The following GOLPH3 variants were observed in gnomAD, a reference collection of about 807,000 sequenced individuals.
GOLPH3 encodes golgi phosphoprotein 3.
A neutral mutation model predicts 28.5 loss-of-function variants in GOLPH3; 14 were observed. That is an observed-to-expected ratio of 0.49 (90% CI 0.32 to 0.77). The LOEUF is 0.77. GOLPH3 is among the 30% of genes least tolerant of loss of function. The pLI is 0.03. For synonymous variants in GOLPH3, 158 were observed against 159.2 expected (o/e 0.99, Z 0.06); for missense variants, 350 against 393.7 (o/e 0.89, Z 0.94).
intron 1 of GOLPH3, among the ~76,000 whole-genome samples, chr5:32,170,636 G>A (rs994405239): frequency 6.6e-6 from 1 of 152,050 alleles, no homozygotes; most frequent in Admixed American, 6.6e-5. Context: ...AGTTGACAGG[G>A]CTGGTTATTA....
chr5:32,142,365 C>T (rs564463997), intron 2 of GOLPH3, among the ~76,000 whole-genome samples: 2 of 148,784 alleles, frequency 1.3e-5, no homozygotes, highest in African/African-American at 5.1e-5. Flanking sequence ...CCCCTCCGCC[C>T]GGCAGCCGCC....
chr5:32,173,893 CCTGCTCGTCGCGGCGGCT>C lies in GOLPH3; in HGVS notation c.124_141del (p.Ser42_Gln47del). The stretch of plus-strand genomic sequence containing the variant: ...TTGGAGTCGCCCTTGTCGTCGTCGT[CCTGCTCGTCGCGGCGGCT>C]CTGCGCGTCGTCCTCGCTGCTGCCG... On this transcript the variant is annotated inframe_deletion, in exon 1 of 4. Coordinates refer to ENST00000265070, the MANE Select transcript of GOLPH3 (RefSeq NM_022130.4). The C allele has an allele frequency of 6.6e-7, 1 of 1,521,818 alleles. No individual in the cohort carries two copies. Among genetic ancestry groups the C allele is most frequent in the Non-Finnish European group, 8.8e-7 (1 of 1,137,946 alleles). The allele number at this position is 1,521,818 out of a possible 1,614,324, so 94.3% of individuals were successfully genotyped here. A position where few individuals can be genotyped will look rare whatever the true frequency, so the allele number is the denominator to read the frequency against.
At chr5:32,165,339 T>C (rs927499129) in intron 1 of GOLPH3, among the ~76,000 whole-genome samples, 1 of 152,094 alleles carries the variant, frequency 6.6e-6, no homozygotes, top group African/African-American at 2.4e-5. Flanking sequence ...TCCCAGCACT[T>C]TGGGAGGCCA....
chr5:32,165,944 A>G (rs1746700171), intron 1 of GOLPH3, among the ~76,000 whole-genome samples: 1 of 152,220 alleles, frequency 6.6e-6, no homozygotes, highest in Non-Finnish European at 1.5e-5. Context: ...TTCTGTAGTT[A>G]ATTTTCAGGA....
At chr5:32,144,692 G>C (rs1430722773) in intron 1 of GOLPH3, among the ~76,000 whole-genome samples, 1 of 152,146 alleles carries the variant, frequency 6.6e-6, no homozygotes, top group East Asian at 1.9e-4. Flanking sequence ...ATAATAAACA[G>C]TATAACAATC....
intron 2 of GOLPH3, among the ~76,000 whole-genome samples, chr5:32,141,267 TAG>T (rs1013230703): frequency 1.3e-5 from 2 of 152,182 alleles, no homozygotes; most frequent in African/African-American, 4.8e-5. Flanking sequence ...CTAAAACTTT[TAG>T]ATTCATTAGG....
Position 32,126,474 on chromosome 5 carries a change from C to A in GOLPH3, c.635G>T (p.Arg212Leu), listed in dbSNP as rs374757542. Residue 212 changes from arginine to leucine, a missense_variant, in exon 4 of 4, where the codon CGC becomes CTC. Physicochemically the swap from Arg to Leu is moderately radical, Grantham distance 102. Coordinates refer to ENST00000265070, the MANE Select transcript of GOLPH3 (RefSeq NM_022130.4). The stretch of plus-strand genomic sequence containing the variant: ...GGCTTCCTGTACTTTCTTGATGAGG[C>A]GCTGCTTAATGTTGTTATTGGTGAG... ...HPLTNNNIKQ[R>L]LIKKVQEAVL... The A allele has an allele frequency of 1.2e-6, 2 of 1,614,090 alleles. No homozygotes were observed. Among genetic ancestry groups the A allele is most frequent in the South Asian group, 2.2e-5 (2 of 91,078 alleles).
chr5:32,173,859 C>A lies in GOLPH3; in HGVS notation c.176G>T (p.Arg59Leu). Residue 59 changes from arginine (R) to leucine (L), a missense_variant, in exon 1 of 4, where the codon CGG becomes CTG. Arg to Leu is a moderately radical substitution (Grantham distance 102). Coordinates refer to ENST00000265070, the MANE Select transcript of GOLPH3 (RefSeq NM_022130.4). Reference protein sequence around the residue: ...DDDKGDSKETRLTLMEEVLLL... With the variant: ...DDDKGDSKETLLTLMEEVLLL... ...GAGCACTTCCTCCATCAGGGTCAGC[C>A]GCGTTTCCTTGGAGTCGCCCTTGTC... is the stretch of plus-strand genomic sequence containing the variant. 6.6e-7 allele frequency: 1 copy of A among 1,525,710 alleles called. No homozygotes were observed. The highest frequency in any genetic ancestry group is 8.8e-7 in the Non-Finnish European group (1 of 1,139,242). The allele number at this position is 1,525,710 out of a possible 1,614,324, so 94.5% of individuals were successfully genotyped here.
intron 3 of GOLPH3, among the ~76,000 whole-genome samples, chr5:32,127,317 T>C (rs890329383): frequency 2.6e-5 from 4 of 152,238 alleles, no homozygotes; most frequent in African/African-American, 4.8e-5. Context: ...TGTGCTCAAC[T>C]TTTTTTGTGC....
chr5:32,172,476 C>T (rs1746858972), intron 1 of GOLPH3, among the ~76,000 whole-genome samples: 1 of 151,632 alleles, frequency 6.6e-6, no homozygotes, highest in Non-Finnish European at 1.5e-5. Context: ...GCAGGCGGAT[C>T]ACTAGGTCAA....
intron 3 of GOLPH3, among the ~76,000 whole-genome samples, chr5:32,132,424 A>T (rs1292188515): frequency 1.3e-5 from 2 of 152,130 alleles, no homozygotes; most frequent in African/African-American, 4.8e-5. Context: ...TACCCTTCAA[A>T]GGCCTAATCT....
At chr5:32,138,110 G>C (rs1245617459) in intron 2 of GOLPH3, among the ~76,000 whole-genome samples, 1 of 151,784 alleles carries the variant, frequency 6.6e-6, no homozygotes, top group Non-Finnish European at 1.5e-5. Flanking sequence ...CATCAAGTTG[G>C]GCAGGCTGGT....
intron 1 of GOLPH3, among the ~76,000 whole-genome samples, chr5:32,147,599 T>A (rs1305653264): frequency 2.0e-5 from 3 of 152,170 alleles, no homozygotes; most frequent in Non-Finnish European, 2.9e-5. Flanking sequence ...ATTATGGTGA[T>A]CTTTATTTTC....
chr5:32,163,009 C>T (rs1211623165), intron 1 of GOLPH3, among the ~76,000 whole-genome samples: 2 of 152,118 alleles, frequency 1.3e-5, no homozygotes, highest in Non-Finnish European at 2.9e-5. Context: ...ACCCGGGAGG[C>T]AGAGCTTGCA....
chr5:32,126,167 A>T lies in GOLPH3; in HGVS notation c.*45T>A. On this transcript the variant is annotated 3_prime_UTR_variant, in exon 4 of 4. Transcript: ENST00000265070. ...ACCAGAAGTCAACAGAAGAAAAACT[A>T]CTGGTTTACTTGAGAGAAAGGAGAA... The T allele has an allele frequency of 6.5e-7, 1 of 1,531,920 alleles. No homozygotes were observed. Among genetic ancestry groups the T allele is most frequent in the Non-Finnish European group, 8.8e-7 (1 of 1,131,516 alleles). 94.9% of individuals were successfully genotyped at this position (1,531,920 alleles called of 1,614,324 possible).
At chr5:32,163,663 CAT>C (rs150298313) in intron 1 of GOLPH3, among the ~76,000 whole-genome samples, 6 of 102,126 alleles carry the variant, frequency 5.9e-5, no homozygotes, top group Non-Finnish European at 8.5e-5. Context: ...AAAATATATA[CAT>C]ATATATATAT....
At chr5:32,169,729 C>G (rs561440142) in intron 1 of GOLPH3, among the ~76,000 whole-genome samples, 3 of 152,160 alleles carry the variant, frequency 2.0e-5, no homozygotes, top group African/African-American at 4.8e-5. Context: ...GTCCCTCCCC[C>G]TCAAACACTG....
In GOLPH3 at chr5:32,174,005, GC is replaced by G; in HGVS notation, c.29del (p.Gly10AlafsTer51). On this transcript the variant is annotated frameshift_variant, in exon 1 of 4. Transcript: ENST00000265070. LOFTEE classifies it high-confidence loss of function. MTSLTQRSS[G>X]LVQRRTEASR... ...AGGCCTCGGTGCGCCGCTGCACCAG[GC>G]CGGAGCTGCGCTGGGTCAGCGAGGT... The G allele has an allele frequency of 7.5e-7, 1 of 1,327,784 alleles. No homozygotes were observed. Among genetic ancestry groups the G allele is most frequent in the Non-Finnish European group, 9.5e-7 (1 of 1,049,248 alleles). 82.3% of individuals were successfully genotyped at this position (1,327,784 alleles called of 1,614,324 possible).
At chr5:32,142,013 GC>G (rs1455849746) in intron 2 of GOLPH3, among the ~76,000 whole-genome samples, 1 of 152,180 alleles carries the variant, frequency 6.6e-6, no homozygotes, top group African/African-American at 2.4e-5. Flanking sequence ...TGCAGCCTCT[GC>G]CCGGCCGCCA....
Sources: allele counts gnomAD v4.1 joint callset (sites outside exome capture counted in the v4.1 genomes callset), GRCh38; gene constraint gnomAD v4.1.1; transcripts MANE v1.5; gene names NCBI Gene and HGNC (gene_info 2026-07-23, HGNC 2026-07-21).